ATP10B: variants seen among roughly 807,000 people sequenced by gnomAD.
The protein encoded by ATP10B is ATPase phospholipid transporting 10B (putative), also known as phospholipid-transporting ATPase VB.
Under a neutral mutation model 141.2 loss-of-function variants are expected in ATP10B, and 122 were observed. The ratio of observed to expected loss-of-function variants is 0.86; its 90% CI spans 0.75 to 1.00. The LOEUF (loss-of-function observed/expected upper bound fraction) is 1.00, where lower values mean the gene tolerates loss of function less well. ATP10B is among the 50% of genes least tolerant of loss of function. The probability of loss-of-function intolerance (pLI) is 0.00; values close to 1 mark genes in which losing one functional copy is unlikely to be tolerated. For synonymous variants in ATP10B, 685 were observed against 692.0 expected, an observed-to-expected ratio of 0.99 and a Z score of 0.16; for missense variants, 1,876 against 1,825.3, an observed-to-expected ratio of 1.03 and a Z score of -0.51.
At chr5:160,753,088 A>T (rs903050728) in intron 2 of ATP10B, among the ~76,000 whole-genome samples, 1 of 152,248 alleles carries the variant, frequency 6.6e-6, no homozygotes, top group Non-Finnish European at 1.5e-5. Flanking sequence ...CATTAGATTT[A>T]GGAGTGTGCC....
At chr5:160,885,667 C>T in the ATP10B span, among the ~76,000 whole-genome samples, 2 of 152,158 alleles carry the variant, frequency 1.3e-5, no homozygotes, top group African/African-American at 2.4e-5. Context: ...CTGCTCAAGA[C>T]GGGCATCAGC....
upstream of ATP10B, among the ~76,000 whole-genome samples, chr5:160,852,664 T>C (rs190992985): frequency 6.6e-6 from 1 of 152,270 alleles, no homozygotes; most frequent in African/African-American, 2.4e-5. Context: ...CAATATATTA[T>C]AGTGGCAGAT....
At chr5:160,847,940 C>T (rs969836818) in intron 1 of ATP10B, among the ~76,000 whole-genome samples, 12 of 152,072 alleles carry the variant, frequency 7.9e-5, no homozygotes, top group African/African-American at 2.7e-4. Flanking sequence ...TGTATATCAG[C>T]GCCCACATCT....
At chr5:160,860,036 A>T in the ATP10B span, among the ~76,000 whole-genome samples, 1,880 of 152,010 alleles carry the variant, frequency 0.012, 17 homozygotes, top group Non-Finnish European at 0.02. Flanking sequence ...TTTCTAAAAA[A>T]TATAAAACAA....
chr5:160,653,236 GTATA>G (rs1236856455), intron 7 of ATP10B, among the ~76,000 whole-genome samples: 2 of 125,670 alleles, frequency 1.6e-5, no homozygotes, highest in Non-Finnish European at 3.1e-5. Flanking sequence ...CAAATATGTA[GTATA>G]TATACATACG....
Position 160,590,950 on chromosome 5 carries a change from G to T in ATP10B, c.3645+109C>A, listed in dbSNP as rs535199220. On this transcript the variant is annotated intron_variant, in intron 23 of 25. Transcript: ENST00000327245. ...TGTAACCTGCAGGCTACCTGTTTGA[G>T]CCTCTGCTCTAAAGTGTCCAGAAGG... 339 of 873,510 alleles carry T rather than the reference G, an allele frequency of 3.9e-4. 1 individual carries two copies. The highest frequency in any genetic ancestry group is 2.0e-3 in the Admixed American group (75 of 37,598). The allele number at this position is 873,510 out of a possible 1,614,324, so 54.1% of individuals were successfully genotyped here.
intron 22 of ATP10B, among the ~76,000 whole-genome samples, chr5:160,593,673 G>A (rs1195111763): frequency 6.6e-6 from 1 of 152,216 alleles, no homozygotes. Flanking sequence ...AAAAAATTTA[G>A]ATGAATGTAG....
chr5:160,704,361 A>T (rs1281945881), intron 3 of ATP10B, among the ~76,000 whole-genome samples: 1 of 152,124 alleles, frequency 6.6e-6, no homozygotes, highest in Non-Finnish European at 1.5e-5. Context: ...CAGGCCAAAT[A>T]GTAATCTTTT....
At position 160,620,400 on chromosome 5, in the gene ATP10B, T is replaced by C. The variant is rs1758259016; in HGVS notation, c.2363A>G (p.Tyr788Cys). ...GATGACCGAGTCAGCACCCTTGGTG[T>C]AGACAACAATCTCGCCAGTCAGTGG... ...RHPLTGEIVV[Y>C]TKGADSVIMD... Residue 788 changes from tyrosine to cysteine, a missense_variant, in exon 15 of 26, where the codon TAC becomes TGC. Physicochemically the swap from Tyr to Cys is radical, Grantham distance 194. Coordinates refer to ENST00000327245, the MANE Select transcript of ATP10B (RefSeq NM_025153.3). 1 of 1,614,034 alleles carries C rather than the reference T, an allele frequency of 6.2e-7. No individual in the cohort carries two copies.
chr5:160,897,805 A>G, the ATP10B span, among the ~76,000 whole-genome samples: 9 of 152,372 alleles, frequency 5.9e-5, no homozygotes, highest in Admixed American at 4.6e-4. Flanking sequence ...ACAAGGCTAC[A>G]GTAACCAGAA....
intron 7 of ATP10B, among the ~76,000 whole-genome samples, chr5:160,658,697 G>T (rs1011870505): frequency 6.6e-6 from 1 of 152,156 alleles, no homozygotes; most frequent in Admixed American, 6.5e-5. Flanking sequence ...CTCTCTGGGG[G>T]TTAAGCTATA....
chr5:160,632,245 C>A lies in ATP10B; in HGVS notation c.1504G>T (p.Ala502Ser), dbSNP rs904132933. Residue 502 changes from alanine (A) to serine (S), a missense_variant, in exon 13 of 26, where the codon GCT (alanine) becomes TCT (serine). Transcript: ENST00000327245. ...DPATMRSQKG[A>S]QPLRRSQSAR... is the part of the protein sequence containing the mutation. Reference sequence around the variant, plus strand: ...CTCTGGCTCCTCCTCAGAGGCTGAGCACCTTTTTGGCTTCTCATAGTTGCT... The same window carrying A: ...CTCTGGCTCCTCCTCAGAGGCTGAGAACCTTTTTGGCTTCTCATAGTTGCT... The A allele has an allele frequency of 2.2e-5, 36 of 1,614,058 alleles. No individual in the cohort carries two copies. The highest frequency in any genetic ancestry group is 3.0e-5 in the Non-Finnish European group (35 of 1,180,038).
intron 24 of ATP10B, 90 bp downstream of exon 24, chr5:160,589,502 G>C (rs73304672): frequency 0.035 from 35,314 of 998,586 alleles, 1,677 homozygotes; most frequent in African/African-American, 0.21. Context: ...TGAGTGGATT[G>C]ATAACACAGA....
At chr5:160,733,920 A>G (rs1270077014) in intron 2 of ATP10B, among the ~76,000 whole-genome samples, 1 of 151,846 alleles carries the variant, frequency 6.6e-6, no homozygotes, top group African/African-American at 2.4e-5. Flanking sequence ...CCTGGACAAC[A>G]TGGTGAAACC....
At position 160,798,744 on chromosome 5, in the gene ATP10B, ATTTTT is replaced by A. The variant is rs35866347; in HGVS notation, c.-575-12946_-575-12942del. Among the ~76,000 whole-genome samples, 881 of 102,484 alleles carry A rather than the reference ATTTTT, an allele frequency of 8.6e-3. 9 individuals carry two copies. Among genetic ancestry groups the A allele is most frequent in the African/African-American group, 0.031 (846 of 27,708 alleles). The allele number at this position is 102,484 out of a possible 152,430, so 67.2% of individuals were successfully genotyped here. Reference sequence around the variant, plus strand: ...GGGTCAAGGAAAAGACTTTTTCTCTATTTTTTTTTTTTTTTTTTTTTTTTGAGGCA... The same window carrying A: ...GGGTCAAGGAAAAGACTTTTTCTCTATTTTTTTTTTTTTTTTTTTGAGGCA... On this transcript the variant is annotated intron_variant, in intron 1 of 25. Transcript: ENST00000327245.
At chr5:160,840,082 A>C (rs1775719124) in intron 1 of ATP10B, among the ~76,000 whole-genome samples, 1 of 152,094 alleles carries the variant, frequency 6.6e-6, no homozygotes, top group Non-Finnish European at 1.5e-5. Flanking sequence ...GAAAGATGCA[A>C]AAGTACATTT....
rs1769108761 is a variant in ATP10B, at chr5:160,762,365, C to T, written c.-331+23194G>A. ...CAACCTATCAGATTAATGGATTTCTCAGCAGAAACCCTACAAGCCAGAATG... is the reference window on the plus strand; with the variant it reads ...CAACCTATCAGATTAATGGATTTCTTAGCAGAAACCCTACAAGCCAGAATG... On this transcript the variant is annotated intron_variant, in intron 2 of 25. Coordinates refer to ENST00000327245, the MANE Select transcript of ATP10B (RefSeq NM_025153.3). Among the ~76,000 whole-genome samples the T allele has an allele frequency of 2.6e-5, 4 of 152,202 alleles. No homozygotes were observed. The South Asian group carries it at 8.3e-4, about 31-fold the overall frequency.
At position 160,737,573 on chromosome 5, in the gene ATP10B, T is replaced by TA. The variant is rs922000084; in HGVS notation, c.-330-20540dup. Among the ~76,000 whole-genome samples, 6 of 151,828 alleles carry TA rather than the reference T, an allele frequency of 4.0e-5. No homozygotes were observed. In the East Asian group the frequency reaches 1.2e-3, roughly 29 times the overall value. On this transcript the variant is annotated intron_variant, in intron 2 of 25. Coordinates refer to ENST00000327245, the MANE Select transcript of ATP10B (RefSeq NM_025153.3). ...AAGTTGCAGGATACAAAAATCAACA[T>TA]AAAAAAATCAGTAGCATTTCTATAT...
At chr5:160,643,638 A>T (rs1442089383) in intron 9 of ATP10B, among the ~76,000 whole-genome samples, 1 of 152,248 alleles carries the variant, frequency 6.6e-6, no homozygotes, top group Non-Finnish European at 1.5e-5. Flanking sequence ...TAGTAAAAAC[A>T]TAACTGCAAA....
Sources: gnomAD v4.1 joint callset for allele counts (sites outside exome capture counted in the v4.1 genomes callset) on GRCh38, gnomAD v4.1.1 for gene constraint, MANE v1.5 for transcripts, NCBI Gene and HGNC (gene_info 2026-07-23, HGNC 2026-07-21) for gene names.